Variants in USP8 observed in about 807,000 individuals in gnomAD.
The protein encoded by USP8 is ubiquitin specific peptidase 8.
USP8 carries 27 observed loss-of-function variants against 130.0 expected under a neutral mutation model. The observed-to-expected ratio is 0.21, with a 90% CI of 0.15 to 0.29. USP8 has a LOEUF of 0.29. USP8 is among the 10% of genes least tolerant of loss of function. USP8 has a pLI of 1.00. For synonymous variants in USP8, 392 were observed against 444.1 expected, an observed-to-expected ratio of 0.88 and a Z score of 1.48; for missense variants, 1,029 against 1,312.2, an observed-to-expected ratio of 0.78 and a Z score of 3.33.
rs994305367 is a variant in USP8 at position 50,510,779 on chromosome 15, T to A, written c.*11691T>A. 5.3e-5 allele frequency: 8 copies of A among 151,836 alleles called. 1 individual carries two copies. In the East Asian group the frequency reaches 1.5e-3, roughly 29 times the overall value. The allele number at this position is 151,836 out of a possible 1,614,324, so 9.4% of individuals were successfully genotyped here. A position where few individuals can be genotyped will look rare whatever the true frequency, so the allele number is the denominator to read the frequency against. ...ACCAATGTACACCAATGTTTTGTTT[T>A]TTGGTTTTTTTTTTAGAGATGGAGT... is the stretch of plus-strand genomic sequence containing the variant. On this transcript the variant is annotated 3_prime_UTR_variant, in exon 20 of 20. Coordinates refer to ENST00000307179, the MANE Select transcript of USP8 (RefSeq NM_005154.5).
rs760383762 is a variant in USP8 at position 50,514,063 on chromosome 15, A to G, written c.*14975A>G. On this transcript the variant is annotated 3_prime_UTR_variant, in exon 20 of 20. Coordinates refer to ENST00000307179, the MANE Select transcript of USP8 (RefSeq NM_005154.5). ...TACTAAATTGTAGTATTTTCATACAATGGAATACTATACAGCAATGAGAAT... is the reference window on the plus strand; with the variant it reads ...TACTAAATTGTAGTATTTTCATACAGTGGAATACTATACAGCAATGAGAAT... The G allele has an allele frequency of 2.4e-4, 36 of 152,262 alleles. No individual in the cohort carries two copies. Among genetic ancestry groups the G allele is most frequent in the Admixed American group, 1.7e-3 (26 of 15,284 alleles). 9.4% of individuals were successfully genotyped at this position (152,262 alleles called of 1,614,324 possible). A position where few individuals can be genotyped will look rare whatever the true frequency, so the allele number is the denominator to read the frequency against.
chr15:50,446,917 C>A (rs1206060396), intron 3 of USP8, among the ~76,000 whole-genome samples: 2 of 152,164 alleles, frequency 1.3e-5, no homozygotes, highest in African/African-American at 4.8e-5. Flanking sequence ...AAGCGTGAGC[C>A]ACCTGGCCTG....
intron 18 of USP8, 174 bp from the exon 19 acceptor site, chr15:50,498,422 T>C: frequency 1.2e-6 from 1 of 803,818 alleles, no homozygotes; most frequent in East Asian, 2.9e-5. Context: ...TTTTCTTGTT[T>C]GTAAAATGGA....
In USP8 at chr15:50,508,198, A is replaced by C. The variant is rs982114691; in HGVS notation, c.*9110A>C. On this transcript the variant is annotated 3_prime_UTR_variant, in exon 20 of 20. Transcript: ENST00000307179. Reference sequence around the variant, plus strand: ...CAATACTTTTGGAAATTAAAAAAACACTTCTAAGTAACTTTATAAATAAAT... The same window carrying C: ...CAATACTTTTGGAAATTAAAAAAACCCTTCTAAGTAACTTTATAAATAAAT... 6.6e-6 allele frequency: 1 copy of C among 152,146 alleles called. No homozygotes were observed. The highest frequency in any genetic ancestry group is 1.5e-5 in the Non-Finnish European group (1 of 68,024). The allele number at this position is 152,146 out of a possible 1,614,324, so 9.4% of individuals were successfully genotyped here.
In USP8 at chr15:50,513,403, T is replaced by G. The variant is rs2052763294; in HGVS notation, c.*14315T>G. ...ACAATATGGATATATCTTTAAAATATTTAATGAAAAAGTATGCTTGGCGCG... is the reference window on the plus strand; with the variant it reads ...ACAATATGGATATATCTTTAAAATAGTTAATGAAAAAGTATGCTTGGCGCG... On this transcript the variant is annotated 3_prime_UTR_variant, in exon 20 of 20. Coordinates refer to ENST00000307179, the MANE Select transcript of USP8 (RefSeq NM_005154.5). 2 of 151,690 alleles carry G rather than the reference T, an allele frequency of 1.3e-5. No individual in the cohort carries two copies. Among genetic ancestry groups the G allele is most frequent in the East Asian group, 1.9e-4 (1 of 5,166 alleles). The allele number at this position is 151,690 out of a possible 1,614,324, so 9.4% of individuals were successfully genotyped here.
intron 1 of USP8, among the ~76,000 whole-genome samples, chr15:50,436,430 TATC>T (rs1194343988): frequency 6.6e-6 from 1 of 152,214 alleles, no homozygotes; most frequent in Non-Finnish European, 1.5e-5. Flanking sequence ...TATAGTTTGA[TATC>T]ATACTATGCT....
At chr15:50,486,941 T>C (rs1297392148) in intron 12 of USP8, among the ~76,000 whole-genome samples, 5 of 152,090 alleles carry the variant, frequency 3.3e-5, no homozygotes. Flanking sequence ...GAGACCAGCC[T>C]GGCCAACATG....
At chr15:50,424,695 C>G (rs1204142097) in intron 1 of USP8, 181 bp downstream of exon 1, 9 of 393,048 alleles carry the variant, frequency 2.3e-5, no homozygotes, top group African/African-American at 1.6e-4. Flanking sequence ...AACCTTGAGT[C>G]TTTTACGCCA....
chr15:50,493,887 C>T lies in USP8; in HGVS notation c.2448-183C>T, dbSNP rs900449921. The T allele has an allele frequency of 8.9e-6, 7 of 788,692 alleles. No individual in the cohort carries two copies. The African/African-American group carries it at 1.2e-4, about 13-fold the overall frequency. 48.9% of individuals were successfully genotyped at this position (788,692 alleles called of 1,614,324 possible). A position where few individuals can be genotyped will look rare whatever the true frequency, so the allele number is the denominator to read the frequency against. On this transcript the variant is annotated intron_variant, in intron 15 of 19. Coordinates refer to ENST00000307179, the MANE Select transcript of USP8 (RefSeq NM_005154.5). ...AGGGCTTGCAGCCAAAAGAAGGAAG[C>T]TGAAGGGATGTAAGCAAGTCAGATT... is the stretch of plus-strand genomic sequence containing the variant.
intron 1 of USP8, among the ~76,000 whole-genome samples, chr15:50,437,018 T>G (rs542991978): frequency 7.2e-5 from 11 of 152,202 alleles, no homozygotes; most frequent in African/African-American, 2.6e-4. Context: ...TTTTTAAATG[T>G]GTATTTTTTG....
intron 15 of USP8, 182 bp downstream of exon 15, chr15:50,493,095 A>G (rs1595985846): frequency 1.4e-6 from 1 of 706,430 alleles, no homozygotes; most frequent in Non-Finnish European, 2.5e-6. Context: ...AGGTGCCGGC[A>G]TCTGGTGCGC....
intron 3 of USP8, among the ~76,000 whole-genome samples, chr15:50,447,930 G>C (rs1408418475): frequency 1.3e-5 from 2 of 151,590 alleles, no homozygotes; most frequent in African/African-American, 4.8e-5. Context: ...GTGGAGACAG[G>C]GTTTCACCAT....
chr15:50,472,766 C>T (rs973570410), intron 8 of USP8, among the ~76,000 whole-genome samples: 3 of 151,930 alleles, frequency 2.0e-5, no homozygotes, highest in African/African-American at 4.8e-5. Context: ...AAAAATTAGT[C>T]GGGCATGGTG....
intron 8 of USP8, among the ~76,000 whole-genome samples, chr15:50,474,930 G>A (rs999460638): frequency 2.6e-5 from 4 of 152,028 alleles, no homozygotes; most frequent in East Asian, 1.9e-4. Context: ...CCAACATGGC[G>A]AAACCCCATC....
chr15:50,425,310 T>C (rs771059951), intron 1 of USP8, among the ~76,000 whole-genome samples: 13 of 152,268 alleles, frequency 8.5e-5, no homozygotes, highest in Non-Finnish European at 1.8e-4. Flanking sequence ...TTTCTGAATC[T>C]GCAAAGCATC....
At chr15:50,424,865 C>G (rs1412385652) in intron 1 of USP8, among the ~76,000 whole-genome samples, 1 of 151,724 alleles carries the variant, frequency 6.6e-6, no homozygotes, top group African/African-American at 2.4e-5. Flanking sequence ...AATCCCAGGC[C>G]TTACTGTAGC....
chr15:50,445,358 C>T (rs1344843284), intron 3 of USP8, among the ~76,000 whole-genome samples: 1 of 148,782 alleles, frequency 6.7e-6, no homozygotes, highest in African/African-American at 2.5e-5. Context: ...CCAGCCTGGC[C>T]AACATGGTGA....
At chr15:50,457,219 ATC>A (rs1482099409) in intron 4 of USP8, among the ~76,000 whole-genome samples, 1 of 152,158 alleles carries the variant, frequency 6.6e-6, no homozygotes, top group Admixed American at 6.6e-5. Flanking sequence ...GTATAGTTTT[ATC>A]TGTTTATTTA....
At chr15:50,484,509 G>GT in intron 12 of USP8, 148 bp downstream of exon 12, 1 of 622,524 alleles carries the variant, frequency 1.6e-6, no homozygotes. Flanking sequence ...TGTTTTGCTT[G>GT]TTTTTGCATG....
Sources: gnomAD v4.1 joint callset for allele counts (sites outside exome capture counted in the v4.1 genomes callset) on GRCh38, gnomAD v4.1.1 for gene constraint, MANE v1.5 for transcripts, NCBI Gene and HGNC (gene_info 2026-07-23, HGNC 2026-07-21) for gene names.